The following ARHGEF28 variants were observed in gnomAD, a reference collection of about 807,000 sequenced individuals.
ARHGEF28 encodes Rho guanine nucleotide exchange factor 28.
A neutral mutation model predicts 206.6 loss-of-function variants in ARHGEF28; 152 were observed. That is an observed-to-expected ratio of 0.74 (90% CI 0.64 to 0.84). ARHGEF28 has a LOEUF of 0.84. ARHGEF28 is among the 40% of genes least tolerant of loss of function. ARHGEF28 has a pLI of 0.00. For synonymous variants in ARHGEF28, 763 were observed against 776.4 expected, an observed-to-expected ratio of 0.98 and a Z score of 0.29; for missense variants, 2,028 against 2,073.2, an observed-to-expected ratio of 0.98 and a Z score of 0.42.
intron 9 of ARHGEF28, among the ~76,000 whole-genome samples, chr5:73,831,112 A>T (rs1462182347): frequency 6.6e-6 from 1 of 152,194 alleles, no homozygotes; most frequent in Non-Finnish European, 1.5e-5. Context: ...TGCTATCCAT[A>T]ATAATTACAA....
At chr5:73,649,832 G>A (rs1238686714) in intron 1 of ARHGEF28, among the ~76,000 whole-genome samples, 1 of 152,188 alleles carries the variant, frequency 6.6e-6, no homozygotes, top group Admixed American at 6.5e-5. Flanking sequence ...GGCTGGCACA[G>A]TGAGTGGTGG....
intron 14 of ARHGEF28, among the ~76,000 whole-genome samples, chr5:73,856,478 T>G (rs1315148389): frequency 6.6e-6 from 1 of 152,172 alleles, no homozygotes; most frequent in African/African-American, 2.4e-5. Context: ...CATGTATTTT[T>G]TTTTTCTAAA....
intron 1 of ARHGEF28, among the ~76,000 whole-genome samples, chr5:73,677,003 G>T (rs559653628): frequency 2.4e-4 from 37 of 152,288 alleles, no homozygotes; most frequent in African/African-American, 8.9e-4. Context: ...TGTATTGTAA[G>T]TTGATTTGTC....
intron 2 of ARHGEF28, among the ~76,000 whole-genome samples, chr5:73,701,897 A>G (rs756892117): frequency 2.0e-4 from 30 of 152,178 alleles, no homozygotes; most frequent in South Asian, 2.1e-4. Context: ...TTGTTTAACC[A>G]TTCCAGGTTG....
intron 4 of ARHGEF28, among the ~76,000 whole-genome samples, chr5:73,765,745 C>T (rs1025840010): frequency 1.4e-4 from 22 of 152,112 alleles, no homozygotes; most frequent in Non-Finnish European, 2.9e-4. Flanking sequence ...TACTGAATGA[C>T]TTAGATGAAC....
intron 10 of ARHGEF28, among the ~76,000 whole-genome samples, chr5:73,835,770 G>A (rs1241884782): frequency 6.6e-6 from 1 of 152,264 alleles, no homozygotes; most frequent in African/African-American, 2.4e-5. Flanking sequence ...AACAATCTGG[G>A]GCTTGTGGTT....
At chr5:73,865,788 T>G (rs1190013937) in intron 17 of ARHGEF28, among the ~76,000 whole-genome samples, 177 bp from the exon 18 acceptor site, 5 of 152,152 alleles carry the variant, frequency 3.3e-5, no homozygotes, top group Non-Finnish European at 7.4e-5. Flanking sequence ...ACTTGCACAT[T>G]TTATTGTCAC....
At chr5:73,769,902 C>T (rs1245401866) in intron 4 of ARHGEF28, among the ~76,000 whole-genome samples, 2 of 152,206 alleles carry the variant, frequency 1.3e-5, no homozygotes, top group African/African-American at 4.8e-5. Flanking sequence ...ATATTCCCTG[C>T]CCCTACACAT....
intron 16 of ARHGEF28, among the ~76,000 whole-genome samples, chr5:73,864,230 C>A (rs1056713399): frequency 6.6e-6 from 1 of 152,142 alleles, no homozygotes; most frequent in Non-Finnish European, 1.5e-5. Context: ...CCCTTACATT[C>A]TTCCAGTGAG....
chr5:73,900,815 C>T (rs3749642), intron 30 of ARHGEF28: 82,688 of 177,902 alleles, frequency 0.46, 20,038 homozygotes, highest in African/African-American at 0.61. Context: ...TTTTGTTCTA[C>T]AGCACCTGTT....
intron 35 of ARHGEF28, among the ~76,000 whole-genome samples, chr5:73,924,971 C>T (rs1413157628): frequency 3.3e-5 from 5 of 152,166 alleles, no homozygotes. Context: ...CATTTTTCCT[C>T]CCTTTGGAAC....
chr5:73,793,735 C>T (rs1754621668), intron 7 of ARHGEF28, among the ~76,000 whole-genome samples: 1 of 151,458 alleles, frequency 6.6e-6, no homozygotes, highest in South Asian at 2.1e-4. Flanking sequence ...TTAAGGGCAA[C>T]TGAGTATTTG....
chr5:73,699,360 AG>A (rs1454143960), intron 2 of ARHGEF28, among the ~76,000 whole-genome samples: 1 of 151,614 alleles, frequency 6.6e-6, no homozygotes, highest in African/African-American at 2.4e-5. Context: ...ATCAATAATA[AG>A]GGGAATCGAG....
intron 1 of ARHGEF28, among the ~76,000 whole-genome samples, chr5:73,682,759 C>T (rs552359863): frequency 1.3e-5 from 2 of 151,110 alleles, no homozygotes; most frequent in South Asian, 2.2e-4. Flanking sequence ...CAGCAGAGCT[C>T]TGGCTGGGCA....
chr5:73,933,795 A>G (rs1764265118), intron 35 of ARHGEF28, among the ~76,000 whole-genome samples: 1 of 152,176 alleles, frequency 6.6e-6, no homozygotes, highest in Non-Finnish European at 1.5e-5. Flanking sequence ...TTTGTCTAAA[A>G]GATAAGGACT....
At chr5:73,656,545 C>T (rs1471160013) in intron 1 of ARHGEF28, among the ~76,000 whole-genome samples, 1 of 152,202 alleles carries the variant, frequency 6.6e-6, no homozygotes, top group Non-Finnish European at 1.5e-5. Flanking sequence ...CTCACCAGCA[C>T]TTTGCTACCC....
chr5:73,822,098 T>C (rs1579939785), intron 9 of ARHGEF28, among the ~76,000 whole-genome samples: 1 of 152,140 alleles, frequency 6.6e-6, no homozygotes, highest in Non-Finnish European at 1.5e-5. Context: ...ATAGGACTCT[T>C]TTTAAGGATC....
intron 5 of ARHGEF28, among the ~76,000 whole-genome samples, chr5:73,775,272 A>G (rs1753479063): frequency 6.6e-6 from 1 of 152,222 alleles, no homozygotes; most frequent in African/African-American, 2.4e-5. Flanking sequence ...AAATGTTTCC[A>G]GGTCTAATAA....
At chr5:73,749,531 C>T (rs139121898) in intron 2 of ARHGEF28, among the ~76,000 whole-genome samples, 114 of 152,268 alleles carry the variant, frequency 7.5e-4, no homozygotes, top group Non-Finnish European at 1.1e-3. Flanking sequence ...CAAACGGCAA[C>T]GAAGTACCAC....
Sources: allele counts gnomAD v4.1 joint callset (sites outside exome capture counted in the v4.1 genomes callset), GRCh38; gene constraint gnomAD v4.1.1; transcripts MANE v1.5; gene names NCBI Gene and HGNC (gene_info 2026-07-23, HGNC 2026-07-21).